PTH2R: variants seen among roughly 807,000 people sequenced by gnomAD.
PTH2R encodes the protein PTH2 receptor.
In PTH2R, 59 loss-of-function variants were observed where a neutral mutation model predicts 60.3. The observed-to-expected ratio is 0.98, with a 90% CI of 0.79 to 1.22. The LOEUF (loss-of-function observed/expected upper bound fraction) is 1.22, where lower values mean the gene tolerates loss of function less well. Ranked by LOEUF, PTH2R falls within the 50% of genes most tolerant of loss-of-function variation. PTH2R has a pLI of 0.00. For missense variants in PTH2R, 749 were observed against 682.6 expected, an observed-to-expected ratio of 1.10 and a Z score of -1.08; for synonymous variants, 256 against 243.8, an observed-to-expected ratio of 1.05 and a Z score of -0.47.
rs1296554081 is a variant in PTH2R at position 208,442,454 on chromosome 2, T to C, written c.502T>C (p.Tyr168His). ...SLAVAILIIG[Y>H]FRRLHCTRNY... The stretch of plus-strand genomic sequence containing the variant: ...GGCTGTGGCTATTCTCATCATTGGT[T>C]ACTTCAGGTGAGTGATGCCCATCAC... The change falls in exon 5 of 13, where the codon TAC (tyrosine) becomes CAC (histidine). Residue 168 changes from tyrosine to histidine, a missense_variant. Physicochemically the swap from Tyr to His is moderately conservative, Grantham distance 83. Coordinates refer to ENST00000272847, the MANE Select transcript of PTH2R (RefSeq NM_005048.4). 6.2e-7 allele frequency: 1 copy of C among 1,603,460 alleles called. No homozygotes were observed. Among genetic ancestry groups the C allele is most frequent in the Non-Finnish European group, 8.5e-7 (1 of 1,170,348 alleles).
Position 208,448,427 on chromosome 2 carries a change from G to T in PTH2R, c.854-2322G>T, listed in dbSNP as rs1702333695. On this transcript the variant is annotated intron_variant, in intron 7 of 12. Coordinates refer to ENST00000272847, the MANE Select transcript of PTH2R (RefSeq NM_005048.4). Reference sequence around the variant, plus strand: ...CCACTTTGGGAGGCTGAGGTGGGCGGATCATGAGGTCAGGAGATCGAGACA... The same window carrying T: ...CCACTTTGGGAGGCTGAGGTGGGCGTATCATGAGGTCAGGAGATCGAGACA... Among the ~76,000 whole-genome samples, 3 of 151,662 alleles carry T rather than the reference G, an allele frequency of 2.0e-5. No individual in the cohort carries two copies. The South Asian group carries it at 6.3e-4, about 32-fold the overall frequency.
In PTH2R at chr2:208,493,536, CGAG is replaced by C; in HGVS notation, c.1534_1536del (p.Glu512del). 6.2e-7 allele frequency: 1 copy of C among 1,613,940 alleles called. No homozygotes were observed. The highest frequency in any genetic ancestry group is 2.2e-5 in the East Asian group (1 of 44,888). On this transcript the variant is annotated inframe_deletion, in exon 13 of 13. Transcript: ENST00000272847. Reference sequence around the variant, plus strand: ...AGGACTGCCTGCCACACTCTTTCCACGAGGAGACCAAGGAAGATAGTGGGAGGC... The same window carrying C: ...AGGACTGCCTGCCACACTCTTTCCACGAGACCAAGGAAGATAGTGGGAGGC...
At chr2:208,376,848 T>C (rs1021406826) in intron 1 of PTH2R, among the ~76,000 whole-genome samples, 1 of 151,930 alleles carries the variant, frequency 6.6e-6, no homozygotes, top group Non-Finnish European at 1.5e-5. Context: ...TAAAAATGCC[T>C]CTTTCTTTTT....
chr2:208,416,599 G>A (rs918568123), intron 1 of PTH2R, among the ~76,000 whole-genome samples: 1 of 152,158 alleles, frequency 6.6e-6, no homozygotes, highest in Non-Finnish European at 1.5e-5. Flanking sequence ...GGTTAATACT[G>A]AGGGTCAACT....
At chr2:208,430,445 A>G (rs1701945437) in intron 2 of PTH2R, among the ~76,000 whole-genome samples, 1 of 149,386 alleles carries the variant, frequency 6.7e-6, no homozygotes, top group Non-Finnish European at 1.5e-5. Context: ...ATTTACTTCT[A>G]TCACCTAAAG....
At chr2:208,442,621 AC>A (rs1190947144) in intron 5 of PTH2R, among the ~76,000 whole-genome samples, 160 bp downstream of exon 5, 2 of 152,224 alleles carry the variant, frequency 1.3e-5, no homozygotes, top group Non-Finnish European at 2.9e-5. Flanking sequence ...ATTTTTCATG[AC>A]AAATTCAGGG....
intron 2 of PTH2R, among the ~76,000 whole-genome samples, chr2:208,433,630 C>T (rs1026896411): frequency 2.0e-5 from 3 of 152,132 alleles, no homozygotes; most frequent in Admixed American, 6.5e-5. Flanking sequence ...AACATAAGAA[C>T]ATAAAAGTTT....
intron 1 of PTH2R, among the ~76,000 whole-genome samples, chr2:208,365,951 TA>T (rs1700578360): frequency 9.2e-5 from 2 of 21,686 alleles, no homozygotes; most frequent in Non-Finnish European, 1.9e-4. Context: ...TATATATATA[TA>T]TATATATATT....
At chr2:208,388,142 C>G (rs1488381934) in intron 1 of PTH2R, among the ~76,000 whole-genome samples, 5 of 148,432 alleles carry the variant, frequency 3.4e-5, no homozygotes, top group African/African-American at 7.4e-5. Context: ...ACCCCCCCCC[C>G]CGTCTCTACT....
Position 208,450,799 on chromosome 2 carries a change from G to A in PTH2R, c.904G>A (p.Ala302Thr). Reference protein sequence around the residue: ...AAWAVARATLADARCWELSAG... With the variant: ...AAWAVARATLTDARCWELSAG... ...ATGGGCTGTGGCACGAGCAACTCTG[G>A]CTGATGCGAGGTGAGTGAAAAGGCA... Residue 302 changes from alanine to threonine, a missense_variant, in exon 8 of 13, where the codon GCT (alanine) becomes ACT (threonine). Coordinates refer to ENST00000272847, the MANE Select transcript of PTH2R (RefSeq NM_005048.4). 9 of 1,613,984 alleles carry A rather than the reference G, an allele frequency of 5.6e-6. No homozygotes were observed. The highest frequency in any genetic ancestry group is 7.6e-6 in the Non-Finnish European group (9 of 1,179,878).
chr2:208,481,307 T>G, intron 10 of PTH2R, 143 bp downstream of exon 10: 2 of 373,050 alleles, frequency 5.4e-6, no homozygotes, highest in Non-Finnish European at 9.6e-6. Context: ...GCCTCCCGGG[T>G]TCAAGCAATT....
intron 4 of PTH2R, 118 bp from the exon 5 acceptor site, chr2:208,442,246 A>T: frequency 1.3e-6 from 1 of 765,062 alleles, no homozygotes; most frequent in Non-Finnish European, 2.2e-6. Context: ...CATGCAAATT[A>T]CAGCTTAAAA....
intron 1 of PTH2R, among the ~76,000 whole-genome samples, chr2:208,419,716 G>A (rs1701712968): frequency 6.6e-6 from 1 of 152,148 alleles, no homozygotes; most frequent in Admixed American, 6.5e-5. Flanking sequence ...TGTAAGGAAG[G>A]GATCCAGTTC....
chr2:208,449,390 A>G (rs1320470792), intron 7 of PTH2R, among the ~76,000 whole-genome samples: 1 of 152,118 alleles, frequency 6.6e-6, no homozygotes, highest in Non-Finnish European at 1.5e-5. Flanking sequence ...ATCATTTAGA[A>G]CAATCTTTGA....
In PTH2R at chr2:208,388,140, C is replaced by CCG. The variant is rs796602099; in HGVS notation, c.-259+27904_-259+27905insGC. On this transcript the variant is annotated intron_variant, in intron 1 of 12. Transcript: ENST00000617735. ...CTGGCTAACATGGTGAAACCCCCCC[C>CCG]CCCGTCTCTACTAAAAATACAAAAA... Among the ~76,000 whole-genome samples the CCG allele has an allele frequency of 5.3e-5, 8 of 149,684 alleles. 1 individual carries two copies. Among genetic ancestry groups the CCG allele is most frequent in the East Asian group, 4.2e-4 (2 of 4,724 alleles).
chr2:208,445,354 CA>C (rs1702268640), intron 7 of PTH2R, among the ~76,000 whole-genome samples: 1 of 152,084 alleles, frequency 6.6e-6, no homozygotes, highest in Non-Finnish European at 1.5e-5. Flanking sequence ...ATACAAATTA[CA>C]AACTAATTAT....
intron 1 of PTH2R, among the ~76,000 whole-genome samples, chr2:208,394,618 A>G (rs1701171368): frequency 6.6e-6 from 1 of 152,080 alleles, no homozygotes; most frequent in South Asian, 2.1e-4. Context: ...TTGACCTCCT[A>G]GACTTGTGTG....
intron 1 of PTH2R, among the ~76,000 whole-genome samples, chr2:208,408,865 C>T (rs1466992724): frequency 6.6e-6 from 1 of 151,756 alleles, no homozygotes; most frequent in Non-Finnish European, 1.5e-5. Flanking sequence ...AACTTTAAAC[C>T]AGGATTTCCC....
chr2:208,422,106 A>G (rs1396168477), intron 1 of PTH2R, among the ~76,000 whole-genome samples: 1 of 152,222 alleles, frequency 6.6e-6, no homozygotes, highest in Non-Finnish European at 1.5e-5. Flanking sequence ...AGCTGATGGC[A>G]TAAATCTCAT....
Sources: gnomAD v4.1 joint callset for allele counts (sites outside exome capture counted in the v4.1 genomes callset) on GRCh38, gnomAD v4.1.1 for gene constraint, MANE v1.5 for transcripts, NCBI Gene and HGNC (gene_info 2026-07-23, HGNC 2026-07-21) for gene names.